BSPH1: variants seen among roughly 807,000 people sequenced by gnomAD.
BSPH1 encodes binder of sperm protein homolog 1.
Under a neutral mutation model 22.5 loss-of-function variants are expected in BSPH1, and 21 were observed. The ratio of observed to expected loss-of-function variants is 0.93; its 90% CI spans 0.66 to 1.35. The LOEUF (loss-of-function observed/expected upper bound fraction) is 1.35. Ranked by LOEUF, BSPH1 falls within the 40% of genes most tolerant of loss-of-function variation. The pLI, the probability that BSPH1 is intolerant of heterozygous loss-of-function variation, is 0.00. For missense variants in BSPH1, 141 were observed against 154.2 expected, an observed-to-expected ratio of 0.91 and a Z score of 0.45; for synonymous variants, 42 against 53.6, an observed-to-expected ratio of 0.78 and a Z score of 0.95.
At chr19:47,990,405 AGG>A (rs1969512574) in intron 1 of BSPH1, among the ~76,000 whole-genome samples, 5 of 152,148 alleles carry the variant, frequency 3.3e-5, no homozygotes. Flanking sequence ...GAGAAGCTTT[AGG>A]ATCGTCTTAA....
At chr19:47,967,918 C>T (rs977659371), downstream of BSPH1, 21 of 152,140 alleles carry the variant, frequency 1.4e-4, no homozygotes, top group African/African-American at 4.8e-4. Context: ...ATTCCTGTGG[C>T]CACCATGTTG....
At position 47,972,509 on chromosome 19, in the gene BSPH1, A is replaced by G. The variant is rs1969319695; in HGVS notation, c.*2+4201T>C. Among the ~76,000 whole-genome samples, 4 of 151,976 alleles carry G rather than the reference A, an allele frequency of 2.6e-5. No homozygotes were observed. In the South Asian group the frequency reaches 8.3e-4, roughly 32 times the overall value. ...TTTTCTCCATGTGTTCTCAATGCTC[A>G]GCTCCCACTTATAAGTGACAGCATG... On this transcript the variant is annotated intron_variant, in intron 5 of 5. Transcript: ENST00000344839.
At chr19:47,969,453 A>G (rs1399394837) in intron 5 of BSPH1, among the ~76,000 whole-genome samples, 4 of 152,110 alleles carry the variant, frequency 2.6e-5, no homozygotes, top group African/African-American at 7.2e-5. Flanking sequence ...TTGTGTGTCA[A>G]TGATGTATGG....
At chr19:47,980,644 A>G (rs965978909) in intron 2 of BSPH1, among the ~76,000 whole-genome samples, 65 of 151,654 alleles carry the variant, frequency 4.3e-4, no homozygotes, top group African/African-American at 1.5e-3. Flanking sequence ...AATTTTTTGT[A>G]GTTTTTTAGT....
At chr19:47,984,058 G>T (rs1186916767) in intron 1 of BSPH1, among the ~76,000 whole-genome samples, 1 of 151,084 alleles carries the variant, frequency 6.6e-6, no homozygotes, top group Non-Finnish European at 1.5e-5. Flanking sequence ...TGTTGGTCAG[G>T]CTGGTCCCAA....
intron 3 of BSPH1, 82 bp downstream of exon 3, chr19:47,979,487 TG>T: frequency 1.4e-6 from 1 of 691,342 alleles, no homozygotes; most frequent in African/African-American, 1.9e-5. Context: ...TTTTTTTTAC[TG>T]GAAAAACATT....
At chr19:47,981,146 G>T (rs1321188484) in intron 1 of BSPH1, among the ~76,000 whole-genome samples, 1 of 152,078 alleles carries the variant, frequency 6.6e-6, no homozygotes, top group East Asian at 1.9e-4. Context: ...TATTATTAAA[G>T]GATAGGAATG....
intron 5 of BSPH1, among the ~76,000 whole-genome samples, chr19:47,972,069 A>G (rs1173326073): frequency 1.3e-5 from 2 of 152,166 alleles, no homozygotes; most frequent in Non-Finnish European, 2.9e-5. Context: ...ATGTCTCTGC[A>G]TTCCTAAACA....
intron 4 of BSPH1, 75 bp downstream of exon 4, chr19:47,977,298 C>G: frequency 2.6e-6 from 3 of 1,136,880 alleles, no homozygotes; most frequent in Admixed American, 2.4e-5. Context: ...TCAGAACCCT[C>G]TTGTGTTTTG....
At chr19:47,975,501 CT>C (rs1245096242) in intron 5 of BSPH1, among the ~76,000 whole-genome samples, 1 of 152,202 alleles carries the variant, frequency 6.6e-6, no homozygotes, top group Non-Finnish European at 1.5e-5. Context: ...GCGCACCCAT[CT>C]TTGTTGCCCT....
At chr19:47,985,063 G>GAAAAAAAAAAAAAAAAA (rs77675265) in intron 1 of BSPH1, among the ~76,000 whole-genome samples, 1 of 75,116 alleles carries the variant, frequency 1.3e-5, no homozygotes, top group Non-Finnish European at 2.7e-5. Context: ...GACTCTGTCT[G>GAAAAAAAAAAAAAAAAA]AAAAAAAAAA....
intron 1 of BSPH1, among the ~76,000 whole-genome samples, chr19:47,985,077 A>G (rs770979471): frequency 1.5e-4 from 18 of 121,684 alleles, no homozygotes; most frequent in African/African-American, 4.0e-4. Flanking sequence ...AAAAAAAAAA[A>G]AGAAAGAAAA....
intron 2 of BSPH1, chr19:47,980,477 CTTTT>C (rs11363158): frequency 9.0e-4 from 184 of 204,246 alleles, no homozygotes; most frequent in Non-Finnish European, 1.3e-3. Context: ...CTTCTTCTTT[CTTTT>C]TTTTTTTTTT....
intron 1 of BSPH1, among the ~76,000 whole-genome samples, chr19:47,984,819 G>A (rs1325574809): frequency 1.3e-5 from 2 of 152,082 alleles, no homozygotes; most frequent in African/African-American, 4.8e-5. Context: ...GCTCATGCCT[G>A]TAATCCCAGC....
chr19:47,981,175 A>C (rs1449867157), intron 1 of BSPH1, among the ~76,000 whole-genome samples: 1 of 152,200 alleles, frequency 6.6e-6, no homozygotes. Flanking sequence ...TATTTTTAAA[A>C]CAAAAAATTC....
intron 1 of BSPH1, among the ~76,000 whole-genome samples, chr19:47,986,550 G>A (rs1254272742): frequency 6.6e-6 from 1 of 151,978 alleles, no homozygotes; most frequent in Non-Finnish European, 1.5e-5. Context: ...ACCAGCCTGG[G>A]CAACATAGCA....
rs1444403631 is a variant in BSPH1 at position 47,976,808 on chromosome 19, G to C, written c.303C>G (p.Tyr101Ter). 6.4e-7 allele frequency: 1 copy of C among 1,551,648 alleles called. No individual in the cohort carries two copies. Among genetic ancestry groups the C allele is most frequent in the Non-Finnish European group, 8.7e-7 (1 of 1,146,924 alleles). ...VFPFWYRRLI[Y>*]WECTDDGEAF... ...CTTCCCCATCATCAGTACACTCCCAGTAGATCAAGCGTCTGTACCAGAAGG... is the reference window on the plus strand; with the variant it reads ...CTTCCCCATCATCAGTACACTCCCACTAGATCAAGCGTCTGTACCAGAAGG... The change falls in exon 5 of 6, where the codon TAC becomes TAG. Residue 101 changes from tyrosine (Y) to a stop codon, truncating the protein, a stop_gained. Transcript: ENST00000344839. LOFTEE classifies it high-confidence loss of function.
At chr19:47,973,054 A>C (rs1461770385) in intron 5 of BSPH1, among the ~76,000 whole-genome samples, 1 of 151,442 alleles carries the variant, frequency 6.6e-6, no homozygotes, top group Non-Finnish European at 1.5e-5. Flanking sequence ...CGTCTCTTCT[A>C]AAAATACAAA....
chr19:47,991,475 TC>T (rs1270906380), intron 1 of BSPH1, among the ~76,000 whole-genome samples: 1 of 134,304 alleles, frequency 7.4e-6, no homozygotes. Flanking sequence ...CCTTTCCTCC[TC>T]CTTCTTCTTC....
Sources: gnomAD v4.1 joint callset for allele counts (sites outside exome capture counted in the v4.1 genomes callset) on GRCh38, gnomAD v4.1.1 for gene constraint, MANE v1.5 for transcripts, NCBI Gene and HGNC (gene_info 2026-07-23, HGNC 2026-07-21) for gene names.